Variants in STK3 observed in about 807,000 individuals in gnomAD.
STK3 encodes serine/threonine-protein kinase 3.
In STK3, 41 loss-of-function variants were observed where a neutral mutation model predicts 58.0. The ratio of observed to expected loss-of-function variants is 0.71; its 90% CI spans 0.55 to 0.92. STK3 has a LOEUF of 0.92. Among genes scored for constraint, STK3 ranks in the 40% least tolerant of loss-of-function variants. The pLI is 0.00. For missense variants in STK3, 479 were observed against 602.7 expected, an observed-to-expected ratio of 0.79 and a Z score of 2.15; for synonymous variants, 170 against 191.0, an observed-to-expected ratio of 0.89 and a Z score of 0.91.
chr8:98,924,905 A>C (rs564920209), intron 1 of STK3, among the ~76,000 whole-genome samples: 40 of 152,194 alleles, frequency 2.6e-4, no homozygotes, highest in Admixed American at 1.7e-3. Flanking sequence ...AATGCCTCAG[A>C]ATTGTTGCTG....
intron 3 of STK3, among the ~76,000 whole-genome samples, chr8:98,408,377 C>T (rs531050966): frequency 1.3e-5 from 2 of 152,268 alleles, no homozygotes; most frequent in South Asian, 4.1e-4. Flanking sequence ...AATGCAATGG[C>T]TAAGATTCAG....
rs570728414 is a variant in STK3, at chr8:98,576,072, C to T, written c.948+3592G>A. ...AATCAGATCTTATACTAAAAGGCTG[C>T]TGTATTTGATAAAACATAGGGGTCT... On this transcript the variant is annotated intron_variant, in intron 8 of 10. Transcript: ENST00000419617. Among the ~76,000 whole-genome samples, 3 of 152,270 alleles carry T rather than the reference C, an allele frequency of 2.0e-5. No individual in the cohort carries two copies. In the South Asian group the frequency reaches 6.2e-4, roughly 32 times the overall value.
intron 10 of STK3, among the ~76,000 whole-genome samples, chr8:98,502,003 C>T (rs2131365976): frequency 6.6e-6 from 1 of 152,290 alleles, no homozygotes. Flanking sequence ...AGCAGTATGG[C>T]CATTTTCACA....
chr8:98,864,197 C>CAA lies in STK3; in HGVS notation c.110+19448_110+19449dup, dbSNP rs35196007. Among the ~76,000 whole-genome samples the CAA allele has an allele frequency of 7.1e-3, 265 of 37,432 alleles. 17 individuals are homozygous for CAA. The highest frequency in any genetic ancestry group is 9.6e-3 in the African/African-American group (72 of 7,526). The allele number at this position is 37,432 out of a possible 152,430, so 24.6% of individuals were successfully genotyped here. A position where few individuals can be genotyped will look rare whatever the true frequency, so the allele number is the denominator to read the frequency against. ...TGGGCGACAGAGCGAGACTCCTTCT[C>CAA]AAAAAAAAAAAAAAAAAAAAAAAAA... On this transcript the variant is annotated intron_variant, in intron 3 of 12. Coordinates refer to the STK3 transcript ENST00000523601.
At chr8:98,376,862 T>C (rs1301919540) in intron 2 of STK3, among the ~76,000 whole-genome samples, 9 of 152,238 alleles carry the variant, frequency 5.9e-5, no homozygotes, top group Non-Finnish European at 1.2e-4. Flanking sequence ...AAATGTCTCA[T>C]AACACCATGT....
intron 3 of STK3, among the ~76,000 whole-genome samples, chr8:98,864,218 A>T (rs1456751001): frequency 6.6e-6 from 1 of 151,104 alleles, no homozygotes; most frequent in Non-Finnish European, 1.5e-5. Flanking sequence ...AAAAAAAAAA[A>T]AAAAAAGTCT....
In STK3 at chr8:98,743,727, T is replaced by G. The variant is rs1829420298; in HGVS notation, c.351+5549A>C. Among the ~76,000 whole-genome samples the G allele has an allele frequency of 2.0e-5, 3 of 151,556 alleles. No homozygotes were observed. In the South Asian group the frequency reaches 6.2e-4, roughly 31 times the overall value. On this transcript the variant is annotated intron_variant, in intron 4 of 10. Transcript: ENST00000419617. ...AAGCAATGGCAACAAAAGCCAAAATTGACAAATGGGATCTAATTAAACTAA... is the reference window on the plus strand; with the variant it reads ...AAGCAATGGCAACAAAAGCCAAAATGGACAAATGGGATCTAATTAAACTAA...
At chr8:98,621,591 G>A (rs1247159909) in intron 6 of STK3, among the ~76,000 whole-genome samples, 1 of 152,046 alleles carries the variant, frequency 6.6e-6, no homozygotes, top group Non-Finnish European at 1.5e-5. Context: ...ATTATTCTGA[G>A]ATCATTCAAT....
intron 9 of STK3, among the ~76,000 whole-genome samples, chr8:98,541,597 G>A (rs1810283561): frequency 6.6e-6 from 1 of 152,092 alleles, no homozygotes; most frequent in South Asian, 2.1e-4. Flanking sequence ...TTTGTGTGTG[G>A]AATACCTGGA....
At chr8:98,627,325 C>T (rs1818794839) in intron 6 of STK3, among the ~76,000 whole-genome samples, 1 of 151,886 alleles carries the variant, frequency 6.6e-6, no homozygotes, top group African/African-American at 2.4e-5. Context: ...ATCAGCCTGG[C>T]CAACATGGTG....
In STK3 at chr8:98,667,625, T is replaced by C. The variant is rs555372968; in HGVS notation, c.684+38842A>G. Among the ~76,000 whole-genome samples, 648 of 152,174 alleles carry C rather than the reference T, an allele frequency of 4.3e-3. 4 individuals carry two copies. The highest frequency in any genetic ancestry group is 0.015 in the African/African-American group (617 of 41,556). On this transcript the variant is annotated intron_variant, in intron 6 of 10. Transcript: ENST00000419617. ...AAAAATTGAATGTATAAAAGGCAAG[T>C]CAAAATAAGAAAAGAGAGCAAGTAT...
intron 8 of STK3, among the ~76,000 whole-genome samples, chr8:98,552,315 CAT>C (rs1811233016): frequency 6.6e-6 from 1 of 152,082 alleles, no homozygotes; most frequent in Non-Finnish European, 1.5e-5. Flanking sequence ...AGACAAATGA[CAT>C]GTTACTCTCC....
At chr8:98,574,081 A>G (rs2131699148) in intron 8 of STK3, among the ~76,000 whole-genome samples, 1 of 152,184 alleles carries the variant, frequency 6.6e-6, no homozygotes, top group Non-Finnish European at 1.5e-5. Flanking sequence ...AACTATAATT[A>G]AAGATGAAAT....
chr8:98,569,077 C>T (rs1812742683), intron 8 of STK3, among the ~76,000 whole-genome samples: 2 of 152,170 alleles, frequency 1.3e-5, no homozygotes, highest in South Asian at 2.1e-4. Context: ...AATCAGGTAT[C>T]TGAATGGCAT....
At chr8:98,856,155 C>CAAAAAAAAAA (rs60632558) in intron 3 of STK3, among the ~76,000 whole-genome samples, 1 of 54,046 alleles carries the variant, frequency 1.9e-5, no homozygotes, top group Non-Finnish European at 3.3e-5. Context: ...GACTCCATCT[C>CAAAAAAAAAA]AAAAAAAAAA....
At position 98,431,837 on chromosome 8, in the gene STK3, C is replaced by T. The variant is rs1220086190; in HGVS notation, n.483+2290G>A. On this transcript the variant is annotated intron_variant and non_coding_transcript_variant, in intron 3 of 3. Coordinates refer to the STK3 transcript ENST00000517832. ...CGTGCTTTAGAGACTATCTTTTTAA[C>T]ATCTCTTGTACATACATATATACTT... is the stretch of plus-strand genomic sequence containing the variant. The T allele has an allele frequency of 1.8e-5, 3 of 167,068 alleles. No homozygotes were observed. The East Asian group carries it at 5.8e-4, about 32-fold the overall frequency. 10.3% of individuals were successfully genotyped at this position (167,068 alleles called of 1,614,324 possible).
intron 1 of STK3, among the ~76,000 whole-genome samples, chr8:98,386,155 T>G (rs925191931): frequency 3.3e-5 from 5 of 152,134 alleles, no homozygotes; most frequent in African/African-American, 1.2e-4. Flanking sequence ...AGAAAGAAAT[T>G]TATCGATACC....
intron 6 of STK3, among the ~76,000 whole-genome samples, chr8:98,639,476 T>C (rs1819854803): frequency 6.6e-6 from 1 of 152,198 alleles, no homozygotes; most frequent in Non-Finnish European, 1.5e-5. Flanking sequence ...AGTTTCAATG[T>C]TGAAATGTGC....
intron 8 of STK3, among the ~76,000 whole-genome samples, chr8:98,561,951 C>T (rs891408410): frequency 3.8e-4 from 58 of 152,130 alleles, no homozygotes; most frequent in African/African-American, 1.3e-3. Flanking sequence ...CAAATTAAAA[C>T]GAGATACCAC....
Sources: gnomAD v4.1 joint callset for allele counts (sites outside exome capture counted in the v4.1 genomes callset) on GRCh38, gnomAD v4.1.1 for gene constraint, MANE v1.5 for transcripts, NCBI Gene and HGNC (gene_info 2026-07-23, HGNC 2026-07-21) for gene names.